ATXN7L1: variants seen among roughly 807,000 people sequenced by gnomAD.
ATXN7L1 encodes the protein ataxin 7 like 1.
A neutral mutation model predicts 70.8 loss-of-function variants in ATXN7L1; 15 were observed. That is an observed-to-expected ratio of 0.21 (90% CI 0.14 to 0.33). The LOEUF is 0.33. Ranked by LOEUF, ATXN7L1 falls within the 10% of genes least tolerant of loss-of-function variation. The pLI, the probability that ATXN7L1 is intolerant of heterozygous loss-of-function variation, is 1.00. For synonymous variants in ATXN7L1, 440 were observed against 445.1 expected (o/e 0.99, Z 0.14); for missense variants, 975 against 1,097.1 (o/e 0.89, Z 1.57).
intron 2 of ATXN7L1, among the ~76,000 whole-genome samples, chr7:105,852,487 C>T (rs1167202866): frequency 6.6e-6 from 1 of 152,126 alleles, no homozygotes; most frequent in Non-Finnish European, 1.5e-5. Context: ...GAAGCAAGGA[C>T]CTTTGTGCAA....
At chr7:105,720,176 C>T (rs983717087) in intron 3 of ATXN7L1, among the ~76,000 whole-genome samples, 1 of 152,182 alleles carries the variant, frequency 6.6e-6, no homozygotes, top group Admixed American at 6.5e-5. Context: ...CCTCTCTGGA[C>T]AGCTTTCCCT....
intron 3 of ATXN7L1, among the ~76,000 whole-genome samples, chr7:105,704,040 C>G (rs1420669740): frequency 6.6e-6 from 1 of 152,090 alleles, no homozygotes; most frequent in Non-Finnish European, 1.5e-5. Flanking sequence ...CTCACCACAT[C>G]TATCTTTTAC....
chr7:105,738,880 G>C (rs925613086), intron 3 of ATXN7L1, among the ~76,000 whole-genome samples: 1 of 152,218 alleles, frequency 6.6e-6, no homozygotes, highest in African/African-American at 2.4e-5. Flanking sequence ...AGCCAGAGTT[G>C]GTCATGGAGC....
intron 2 of ATXN7L1, among the ~76,000 whole-genome samples, chr7:105,803,135 T>C (rs948806653): frequency 3.3e-5 from 5 of 152,220 alleles, no homozygotes; most frequent in Non-Finnish European, 7.3e-5. Flanking sequence ...CAACTGAGAC[T>C]CTTAACAGGA....
chr7:105,731,803 G>GAAAAGAAAAGAAAAGAAAAGAA (rs1172072585), intron 3 of ATXN7L1, among the ~76,000 whole-genome samples: 3 of 144,980 alleles, frequency 2.1e-5, no homozygotes, highest in Admixed American at 6.9e-5. Context: ...GAAAAGAAAA[G>GAAAAGAAAAGAAAAGAAAAGAA]AAAACCCAGC....
At chr7:105,659,238 A>C (rs1465279290) in intron 4 of ATXN7L1, among the ~76,000 whole-genome samples, 3 of 152,244 alleles carry the variant, frequency 2.0e-5, no homozygotes, top group Non-Finnish European at 4.4e-5. Flanking sequence ...TTTCTATTGG[A>C]TAGTGCTAGT....
chr7:105,733,005 A>G (rs932833204), intron 3 of ATXN7L1, among the ~76,000 whole-genome samples: 14 of 152,336 alleles, frequency 9.2e-5, no homozygotes, highest in Admixed American at 4.6e-4. Flanking sequence ...GCAACCCTAC[A>G]TCATCACTCC....
chr7:105,848,687 T>G (rs1814428154), intron 2 of ATXN7L1, among the ~76,000 whole-genome samples: 1 of 152,202 alleles, frequency 6.6e-6, no homozygotes, highest in Non-Finnish European at 1.5e-5. Flanking sequence ...TTTTCTTCTT[T>G]TGTTGATGTG....
chr7:105,809,677 G>A (rs747281559), intron 2 of ATXN7L1, among the ~76,000 whole-genome samples: 2 of 152,026 alleles, frequency 1.3e-5, no homozygotes, highest in Non-Finnish European at 2.9e-5. Context: ...AGGTAAGGTG[G>A]CATGATTATC....
At position 105,671,104 on chromosome 7, in the gene ATXN7L1, C is replaced by CAA. The variant is rs71155469; in HGVS notation, c.356-5818_356-5817dup. On this transcript the variant is annotated intron_variant, in intron 3 of 11. Transcript: ENST00000419735. ...CCTGGGCGACAGCGAGACTACGTCTCAAAAAAAAAAAAAAAAAAAAAAAAA... is the reference window on the plus strand; with the variant it reads ...CCTGGGCGACAGCGAGACTACGTCTCAAAAAAAAAAAAAAAAAAAAAAAAAAA... Among the ~76,000 whole-genome samples, 108 of 89,682 alleles carry CAA rather than the reference C, an allele frequency of 1.2e-3. 2 individuals are homozygous for CAA. Among genetic ancestry groups the CAA allele is most frequent in the African/African-American group, 3.4e-3 (84 of 24,572 alleles). 58.8% of individuals were successfully genotyped at this position (89,682 alleles called of 152,430 possible).
chr7:105,636,260 C>T (rs755082521), intron 7 of ATXN7L1, among the ~76,000 whole-genome samples: 34 of 151,952 alleles, frequency 2.2e-4, no homozygotes, highest in Admixed American at 3.9e-4. Flanking sequence ...CCAGGCATGG[C>T]GGCACACGCC....
intron 2 of ATXN7L1, among the ~76,000 whole-genome samples, chr7:105,860,886 T>C (rs1006743685): frequency 2.0e-5 from 3 of 152,246 alleles, no homozygotes; most frequent in South Asian, 2.1e-4. Context: ...AAGATTCTAA[T>C]GCAGCTATGA....
At chr7:105,839,466 C>T (rs1348386715) in intron 2 of ATXN7L1, among the ~76,000 whole-genome samples, 1 of 152,126 alleles carries the variant, frequency 6.6e-6, no homozygotes, top group East Asian at 1.9e-4. Flanking sequence ...AAGATGGTAC[C>T]TGATTAGCAC....
chr7:105,821,787 C>T (rs1370683418), intron 2 of ATXN7L1, among the ~76,000 whole-genome samples: 1 of 152,260 alleles, frequency 6.6e-6, no homozygotes, highest in Non-Finnish European at 1.5e-5. Flanking sequence ...CACAGGCTTG[C>T]ATAAAGCAAG....
chr7:105,804,630 A>T (rs1563106957), intron 2 of ATXN7L1, among the ~76,000 whole-genome samples: 1 of 152,218 alleles, frequency 6.6e-6, no homozygotes, highest in Non-Finnish European at 1.5e-5. Context: ...AGATTTATTG[A>T]TAAAATAATA....
intron 2 of ATXN7L1, among the ~76,000 whole-genome samples, chr7:105,814,571 GTTGCTTT>G (rs1808918235): frequency 6.6e-6 from 1 of 152,052 alleles, no homozygotes; most frequent in African/African-American, 2.4e-5. Flanking sequence ...CTTTCAGGCA[GTTGCTTT>G]TTGTTTTTAG....
At position 105,614,929 on chromosome 7, in the gene ATXN7L1, G is replaced by C. The variant is rs1793649547; in HGVS notation, c.1518-113C>G. 3 of 1,267,366 alleles carry C rather than the reference G, an allele frequency of 2.4e-6. No individual in the cohort carries two copies. The highest frequency in any genetic ancestry group is 3.2e-6 in the Non-Finnish European group (3 of 935,070). The allele number at this position is 1,267,366 out of a possible 1,614,324, so 78.5% of individuals were successfully genotyped here. On this transcript the variant is annotated intron_variant, in intron 9 of 11. Coordinates refer to ENST00000419735, the MANE Select transcript of ATXN7L1 (RefSeq NM_020725.2). This position sits in a 1 kb window ranked among gnomAD's most constrained non-coding sequence, Gnocchi z 4.3. ...TACAGAGGACACCCCGGCAGAACCA[G>C]ACTATGGAGAATGGAGCCTTGAAGG...
At chr7:105,664,520 A>T (rs1380856297) in intron 4 of ATXN7L1, among the ~76,000 whole-genome samples, 4 of 143,966 alleles carry the variant, frequency 2.8e-5, no homozygotes, top group African/African-American at 1.0e-4. Flanking sequence ...ATATATATAT[A>T]CATATGTATA....
At chr7:105,706,681 T>G (rs1793215518) in intron 3 of ATXN7L1, among the ~76,000 whole-genome samples, 1 of 152,252 alleles carries the variant, frequency 6.6e-6, no homozygotes, top group Non-Finnish European at 1.5e-5. Context: ...GGTGATCTGA[T>G]AGCGCCCAAG....
Sources: gnomAD v4.1 joint callset for allele counts (sites outside exome capture counted in the v4.1 genomes callset) on GRCh38, gnomAD v4.1.1 for gene constraint, Gnocchi (gnomAD v3.1) non-coding constraint, MANE v1.5 for transcripts, NCBI Gene and HGNC (gene_info 2026-07-23, HGNC 2026-07-21) for gene names.